ACAD11: variants seen among roughly 807,000 people sequenced by gnomAD.
ACAD11 encodes acyl-Coenzyme A dehydrogenase family, member 11.
In ACAD11, 83 loss-of-function variants were observed where a neutral mutation model predicts 102.2. The ratio of observed to expected loss-of-function variants is 0.81; its 90% CI spans 0.68 to 0.97. The LOEUF (loss-of-function observed/expected upper bound fraction) is 0.97. Among genes scored for constraint, ACAD11 ranks in the 50% least tolerant of loss-of-function variants. The pLI is 0.00. For synonymous variants in ACAD11, 324 were observed against 319.8 expected, an observed-to-expected ratio of 1.01 and a Z score of -0.14; for missense variants, 901 against 951.7, an observed-to-expected ratio of 0.95 and a Z score of 0.70.
At chr3:132,627,402 C>T (rs554788432) in intron 8 of ACAD11, among the ~76,000 whole-genome samples, 18 of 152,278 alleles carry the variant, frequency 1.2e-4, no homozygotes, top group African/African-American at 3.8e-4. Flanking sequence ...CAAAAAATCC[C>T]GCTTCATTAG....
chr3:132,610,704 C>G (rs187731552), intron 11 of ACAD11, among the ~76,000 whole-genome samples: 11 of 152,268 alleles, frequency 7.2e-5, no homozygotes, highest in African/African-American at 2.4e-4. Flanking sequence ...AGACCAATAA[C>G]AGGCTCTGAA....
chr3:132,600,974 G>A (rs1173620268), intron 13 of ACAD11: 5 of 1,612,810 alleles, frequency 3.1e-6, no homozygotes, highest in South Asian at 1.1e-5. Flanking sequence ...CCGCTACCTA[G>A]GAACATCAAT....
At chr3:132,617,962 C>T (rs1203886892) in intron 11 of ACAD11, among the ~76,000 whole-genome samples, 3 of 152,166 alleles carry the variant, frequency 2.0e-5, no homozygotes, top group African/African-American at 7.2e-5. Flanking sequence ...TACCAAATGT[C>T]ATTTTCTCAG....
chr3:132,632,343 C>T (rs1434774954), intron 5 of ACAD11, among the ~76,000 whole-genome samples: 1 of 151,934 alleles, frequency 6.6e-6, no homozygotes, highest in Non-Finnish European at 1.5e-5. Context: ...CCTTGGCCGC[C>T]CAAAGGGAAT....
rs1576561102 is a variant in ACAD11, at chr3:132,584,514, A to G, written c.1622-4956T>C. On this transcript the variant is annotated intron_variant, in intron 13 of 19. Coordinates refer to ENST00000264990, the MANE Select transcript of ACAD11 (RefSeq NM_032169.5). The stretch of plus-strand genomic sequence containing the variant: ...CTGATGGGTCTTGACTCTTTTTCCA[A>G]TTTGCCAGTCTGTGTCTTTCAATTG... 2.0e-5 allele frequency among the ~76,000 whole-genome samples: 3 copies of G among 152,052 alleles called. No individual in the cohort carries two copies. In the East Asian group the frequency reaches 5.8e-4, roughly 29 times the overall value.
chr3:132,579,240 C>T, intron 14 of ACAD11: 1 of 634,286 alleles, frequency 1.6e-6, no homozygotes, highest in South Asian at 2.2e-5. Flanking sequence ...TTAATCCAAA[C>T]AGCTTTGATA....
chr3:132,642,890 C>T, intron 2 of ACAD11, 88 bp from the exon 3 acceptor site: 1 of 1,356,688 alleles, frequency 7.4e-7, no homozygotes, highest in African/African-American at 1.5e-5. Flanking sequence ...AATCTTAAGG[C>T]TAGAAAACAA....
chr3:132,578,616 A>G, intron 15 of ACAD11, 180 bp downstream of exon 15: 1 of 316,554 alleles, frequency 3.2e-6, no homozygotes, highest in South Asian at 7.4e-5. Context: ...TAAATGCTAT[A>G]CTATTTCTTT....
chr3:132,659,346 T>C (rs1205913926), intron 1 of ACAD11: 1 of 490,810 alleles, frequency 2.0e-6, no homozygotes, highest in African/African-American at 2.0e-5. Context: ...GGGACATAAA[T>C]CCATCCTTTA....
At chr3:132,645,648 AAGGTAAT>A (rs1451934488) in intron 1 of ACAD11, among the ~76,000 whole-genome samples, 2 of 152,226 alleles carry the variant, frequency 1.3e-5, no homozygotes, top group East Asian at 1.9e-4. Context: ...ATCAATCCTT[AAGGTAAT>A]AGGTAATAGG....
chr3:132,591,972 A>G (rs1395241518), intron 13 of ACAD11, among the ~76,000 whole-genome samples: 1 of 152,180 alleles, frequency 6.6e-6, no homozygotes, highest in Non-Finnish European at 1.5e-5. Flanking sequence ...TAAATTTTGA[A>G]GAAACTCAAG....
chr3:132,629,061 A>G (rs939390970), intron 7 of ACAD11, among the ~76,000 whole-genome samples: 1 of 152,230 alleles, frequency 6.6e-6, no homozygotes, highest in Non-Finnish European at 1.5e-5. Flanking sequence ...AAAACACTGT[A>G]ATAGTTCTTC....
At chr3:132,603,546 G>A (rs1181872019) in intron 12 of ACAD11, among the ~76,000 whole-genome samples, 1 of 152,174 alleles carries the variant, frequency 6.6e-6, no homozygotes, top group African/African-American at 2.4e-5. Flanking sequence ...TTGGGGATCA[G>A]TATTTTGAAC....
intron 3 of ACAD11, 26 bp downstream of exon 3, chr3:132,642,651 C>A: frequency 6.4e-7 from 1 of 1,567,114 alleles, no homozygotes. Flanking sequence ...GTAAAAGCAA[C>A]AAAATAAGAT....
chr3:132,600,796 C>G (rs1243344400), intron 13 of ACAD11: 6 of 1,613,918 alleles, frequency 3.7e-6, no homozygotes, highest in Admixed American at 1.7e-5. Flanking sequence ...TGGCTTGTAT[C>G]AGCATAGACA....
intron 5 of ACAD11, among the ~76,000 whole-genome samples, chr3:132,633,328 T>C (rs990298773): frequency 3.3e-5 from 5 of 152,232 alleles, no homozygotes; most frequent in Admixed American, 3.3e-4. Context: ...TCTCTTGAGA[T>C]AATCATGTGG....
chr3:132,647,085 G>T (rs1259051220), intron 1 of ACAD11: 1 of 152,058 alleles, frequency 6.6e-6, no homozygotes, highest in African/African-American at 2.4e-5. Context: ...TAAATGTTAC[G>T]TTACATGAAT....
intron 13 of ACAD11, among the ~76,000 whole-genome samples, chr3:132,596,047 T>C (rs1938291594): frequency 6.6e-6 from 1 of 152,176 alleles, no homozygotes; most frequent in Non-Finnish European, 1.5e-5. Flanking sequence ...CCATCAATGA[T>C]AGACTGGACA....
At chr3:132,560,459 G>A (rs1484216635) in intron 18 of ACAD11, among the ~76,000 whole-genome samples, 1 of 152,082 alleles carries the variant, frequency 6.6e-6, no homozygotes, top group Non-Finnish European at 1.5e-5. Context: ...AGAATAGAGT[G>A]GAGTGGCTAT....
Sources: gnomAD v4.1 joint callset for allele counts (sites outside exome capture counted in the v4.1 genomes callset) on GRCh38, gnomAD v4.1.1 for gene constraint, MANE v1.5 for transcripts, NCBI Gene and HGNC (gene_info 2026-07-23, HGNC 2026-07-21) for gene names.